BBS9: variants seen among roughly 807,000 people sequenced by gnomAD.
The protein encoded by BBS9 is protein PTHB1.
BBS9 carries 89 observed loss-of-function variants against 117.7 expected under a neutral mutation model. The ratio of observed to expected loss-of-function variants is 0.76; its 90% confidence interval spans 0.64 to 0.90. The LOEUF (loss-of-function observed/expected upper bound fraction) is 0.90, where lower values mean the gene tolerates loss of function less well. Among genes scored for constraint, BBS9 ranks in the 40% least tolerant of loss-of-function variants. BBS9 has a pLI of 0.00. For missense variants in BBS9, 982 were observed against 1,042.2 expected (o/e 0.94, Z 0.80); for synonymous variants, 379 against 370.9 (o/e 1.02, Z -0.25).
At chr7:33,146,160 T>TC (rs1792310085) in intron 1 of BBS9, 82 bp from the exon 2 acceptor site, 2 of 955,158 alleles carry the variant, frequency 2.1e-6, no homozygotes, top group African/African-American at 3.3e-5. Flanking sequence ...CTCAGATCTG[T>TC]CCAAGTTTAA....
intron 20 of BBS9, among the ~76,000 whole-genome samples, chr7:33,526,980 G>A (rs574348109): frequency 1.1e-4 from 16 of 149,036 alleles, no homozygotes; most frequent in African/African-American, 3.9e-4. Context: ...AGGACCCTCA[G>A]CTGCAGGTCT....
chr7:33,136,776 G>T (rs1292898150), intron 1 of BBS9, among the ~76,000 whole-genome samples: 1 of 152,182 alleles, frequency 6.6e-6, no homozygotes. Flanking sequence ...AAGGGATATT[G>T]GTCTATTGTT....
chr7:33,351,761 T>C (rs1424397930), intron 14 of BBS9, among the ~76,000 whole-genome samples: 1 of 152,146 alleles, frequency 6.6e-6, no homozygotes, highest in Non-Finnish European at 1.5e-5. Flanking sequence ...ACCTCACAAA[T>C]TGAATACCAG....
chr7:33,350,719 T>C (rs968639183), intron 13 of BBS9, among the ~76,000 whole-genome samples: 2 of 152,228 alleles, frequency 1.3e-5, no homozygotes, highest in Non-Finnish European at 2.9e-5. Context: ...AGTAGCTGTG[T>C]TACCTTAGGC....
chr7:33,596,359 T>TTTTC, intron 21 of BBS9, among the ~76,000 whole-genome samples: 1 of 145,004 alleles, frequency 6.9e-6, no homozygotes, highest in Admixed American at 6.9e-5. Flanking sequence ...TGATATATAA[T>TTTTC]TATCTATCTA....
intron 19 of BBS9, among the ~76,000 whole-genome samples, chr7:33,452,566 A>G (rs1838046585): frequency 6.6e-6 from 1 of 152,212 alleles, no homozygotes; most frequent in African/African-American, 2.4e-5. Context: ...TTGTTTGAAT[A>G]TTAAATAAGG....
upstream of BBS9, chr7:33,129,313 A>C (rs568191336): frequency 9.1e-6 from 5 of 548,784 alleles, no homozygotes; most frequent in Non-Finnish European, 1.6e-5. Flanking sequence ...CCCGGAGCCC[A>C]GGCAGGAGGA....
intron 4 of BBS9, among the ~76,000 whole-genome samples, chr7:33,165,813 C>T (rs540126618): frequency 8.4e-4 from 128 of 152,080 alleles, no homozygotes; most frequent in Non-Finnish European, 1.4e-3. Flanking sequence ...TTGTTATTAC[C>T]GACCTTCTGA....
chr7:33,448,452 A>G (rs1372287169), intron 19 of BBS9, among the ~76,000 whole-genome samples: 1 of 152,186 alleles, frequency 6.6e-6, no homozygotes, highest in Non-Finnish European at 1.5e-5. Flanking sequence ...ACAAAGTCAG[A>G]CAGACCTGGA....
At chr7:33,306,764 G>C (rs1326948788) in intron 9 of BBS9, among the ~76,000 whole-genome samples, 1 of 152,070 alleles carries the variant, frequency 6.6e-6, no homozygotes, top group East Asian at 1.9e-4. Flanking sequence ...CATGTGTGTA[G>C]GAGTTGCTTT....
At chr7:33,157,259 C>A (rs757714950) in intron 4 of BBS9, among the ~76,000 whole-genome samples, 12 of 152,112 alleles carry the variant, frequency 7.9e-5, no homozygotes, top group South Asian at 2.1e-4. Flanking sequence ...ATCAGAAAAA[C>A]GTACTGAAAG....
At chr7:33,494,727 T>C (rs1330725560) in intron 19 of BBS9, among the ~76,000 whole-genome samples, 1 of 152,216 alleles carries the variant, frequency 6.6e-6, no homozygotes, top group East Asian at 1.9e-4. Flanking sequence ...ATTGAATGCC[T>C]GCTGTGAGCC....
intron 17 of BBS9, among the ~76,000 whole-genome samples, chr7:33,382,820 A>C (rs1825326158): frequency 6.6e-6 from 1 of 152,220 alleles, no homozygotes. Flanking sequence ...GGTCCTGATG[A>C]AGAAGTACGA....
intron 19 of BBS9, among the ~76,000 whole-genome samples, chr7:33,423,693 A>G (rs764876871): frequency 5.3e-5 from 8 of 152,176 alleles, no homozygotes; most frequent in Non-Finnish European, 8.8e-5. Flanking sequence ...GCATACCAGG[A>G]CATTTCGAGA....
chr7:33,625,183 C>T (rs1865582015), intron 21 of BBS9, among the ~76,000 whole-genome samples: 1 of 151,940 alleles, frequency 6.6e-6, no homozygotes, highest in Non-Finnish European at 1.5e-5. Context: ...TACCTTGGGT[C>T]CTATTCTATA....
chr7:33,366,944 G>A (rs2128712303), intron 16 of BBS9, among the ~76,000 whole-genome samples: 1 of 152,242 alleles, frequency 6.6e-6, no homozygotes, highest in Non-Finnish European at 1.5e-5. Flanking sequence ...CTTCATGGAT[G>A]GTAGTATAGA....
chr7:33,330,594 G>C (rs1212134632), intron 9 of BBS9, among the ~76,000 whole-genome samples: 1 of 151,930 alleles, frequency 6.6e-6, no homozygotes, highest in Non-Finnish European at 1.5e-5. Context: ...TTTTTAAATT[G>C]AACTTTAAAA....
intron 4 of BBS9, among the ~76,000 whole-genome samples, chr7:33,172,177 GA>G (rs1348361169): frequency 6.6e-6 from 1 of 152,088 alleles, no homozygotes; most frequent in African/African-American, 2.4e-5. Flanking sequence ...TCAGGAGATT[GA>G]GATCATCCTG....
At chr7:33,341,048 G>T in intron 11 of BBS9, 75 bp downstream of exon 11, 1 of 1,326,212 alleles carries the variant, frequency 7.5e-7, no homozygotes, top group East Asian at 2.3e-5. Context: ...AAATGCATTG[G>T]TTTAAAGTTT....
Sources: gnomAD v4.1 joint callset for allele counts (sites outside exome capture counted in the v4.1 genomes callset) on GRCh38, gnomAD v4.1.1 for gene constraint, MANE v1.5 for transcripts, NCBI Gene and HGNC (gene_info 2026-07-23, HGNC 2026-07-21) for gene names.